TOGARAM1: variants seen among roughly 807,000 people sequenced by gnomAD.
TOGARAM1 encodes TOG array regulator of axonemal microtubules protein 1.
In TOGARAM1, 100 loss-of-function variants were observed where a neutral mutation model predicts 166.6. The observed-to-expected ratio is 0.60, with a 90% CI of 0.51 to 0.71. The LOEUF (loss-of-function observed/expected upper bound fraction) is 0.71, where lower values mean the gene tolerates loss of function less well. TOGARAM1 is among the 30% of genes least tolerant of loss of function. TOGARAM1 has a pLI of 0.00. For missense variants in TOGARAM1, 2,029 were observed against 2,102.7 expected, an observed-to-expected ratio of 0.96 and a Z score of 0.69; for synonymous variants, 758 against 763.8, an observed-to-expected ratio of 0.99 and a Z score of 0.13.
intron 13 of TOGARAM1, among the ~76,000 whole-genome samples, 176 bp downstream of exon 13, chr14:45,045,046 A>T (rs1881920797): frequency 6.6e-6 from 1 of 152,192 alleles, no homozygotes; most frequent in Non-Finnish European, 1.5e-5. Flanking sequence ...ATAATTTTTT[A>T]TTATTTTTCT....
chr14:44,989,119 T>C (rs1457496680), intron 1 of TOGARAM1, among the ~76,000 whole-genome samples: 1 of 152,214 alleles, frequency 6.6e-6, no homozygotes, highest in Non-Finnish European at 1.5e-5. Flanking sequence ...TACATAATGA[T>C]AGTTGTAATT....
At chr14:44,997,059 A>G (rs1887449022) in intron 2 of TOGARAM1, 1 of 152,228 alleles carries the variant, frequency 6.6e-6, no homozygotes. Context: ...TGTTGTAGTA[A>G]TCGTGGCTAG....
chr14:44,966,106 C>T (rs1405044884), intron 1 of TOGARAM1, among the ~76,000 whole-genome samples: 2 of 151,218 alleles, frequency 1.3e-5, no homozygotes, highest in African/African-American at 4.8e-5. Flanking sequence ...AACTCCTGAC[C>T]CACCCGCCTC....
rs62000262 is a variant in TOGARAM1 at position 44,989,127 on chromosome 14, A to C, written c.2047-6619A>C. Among the ~76,000 whole-genome samples the C allele has an allele frequency of 2.7e-3, 415 of 152,356 alleles. 2 individuals carry two copies. Among genetic ancestry groups the C allele is most frequent in the Middle Eastern group, 0.02 (6 of 294 alleles). ...ACAGCAATACATAATGATAGTTGTAATTCCCAAAAATTTGATAAGACACTT... is the reference window on the plus strand; with the variant it reads ...ACAGCAATACATAATGATAGTTGTACTTCCCAAAAATTTGATAAGACACTT... On this transcript the variant is annotated intron_variant, in intron 1 of 19. Transcript: ENST00000361462.
At chr14:44,982,062 T>G (rs750840157) in intron 1 of TOGARAM1, among the ~76,000 whole-genome samples, 40 of 152,018 alleles carry the variant, frequency 2.6e-4, no homozygotes, top group Admixed American at 1.1e-3. Context: ...AGGCTGGTCT[T>G]GAACTCCTGG....
At chr14:45,042,862 G>C (rs1454936817) in intron 11 of TOGARAM1, among the ~76,000 whole-genome samples, 1 of 152,152 alleles carries the variant, frequency 6.6e-6, no homozygotes, top group Non-Finnish European at 1.5e-5. Context: ...GCTGGCTGTG[G>C]TAATTTTAGC....
intron 10 of TOGARAM1, among the ~76,000 whole-genome samples, chr14:45,028,677 G>T (rs1031826693): frequency 6.6e-6 from 1 of 152,112 alleles, no homozygotes. Context: ...CATTGCATTT[G>T]TCATTTATTC....
intron 1 of TOGARAM1, among the ~76,000 whole-genome samples, chr14:44,973,677 T>A (rs1299623782): frequency 6.6e-6 from 1 of 151,740 alleles, no homozygotes; most frequent in African/African-American, 2.4e-5. Flanking sequence ...TCAATGTTTC[T>A]TACAAGGCAG....
chr14:45,072,490 A>G (rs1353480446), intron 19 of TOGARAM1, among the ~76,000 whole-genome samples: 2 of 151,860 alleles, frequency 1.3e-5, no homozygotes, highest in African/African-American at 4.8e-5. Flanking sequence ...GCAGTGGCGC[A>G]ATATCGGCTA....
chr14:45,069,417 G>T (rs1883281440), intron 18 of TOGARAM1, among the ~76,000 whole-genome samples: 1 of 151,618 alleles, frequency 6.6e-6, no homozygotes, highest in African/African-American at 2.4e-5. Context: ...ACAAGCTACA[G>T]ACTGGGAAAA....
intron 1 of TOGARAM1, among the ~76,000 whole-genome samples, chr14:44,965,761 T>C (rs983919381): frequency 2.5e-4 from 38 of 152,270 alleles, no homozygotes; most frequent in African/African-American, 6.7e-4. Flanking sequence ...AGTACAGTGA[T>C]ACTTTGAGAC....
intron 14 of TOGARAM1, among the ~76,000 whole-genome samples, chr14:45,050,251 A>G (rs1023499827): frequency 6.6e-6 from 1 of 152,004 alleles, no homozygotes; most frequent in Non-Finnish European, 1.5e-5. Context: ...ACGTTGAGAT[A>G]TGTGATCTTT....
At chr14:44,994,225 G>A (rs1222245951) in intron 1 of TOGARAM1, among the ~76,000 whole-genome samples, 1 of 152,080 alleles carries the variant, frequency 6.6e-6, no homozygotes, top group East Asian at 1.9e-4. Flanking sequence ...TCCTGCCTCA[G>A]CCTCTGTCTC....
At chr14:44,994,548 A>C (rs1435597551) in intron 1 of TOGARAM1, among the ~76,000 whole-genome samples, 1 of 151,846 alleles carries the variant, frequency 6.6e-6, no homozygotes, top group Non-Finnish European at 1.5e-5. Flanking sequence ...CCTCCCGATT[A>C]GTTGGGACGA....
chr14:44,988,495 C>T (rs1007222087), intron 1 of TOGARAM1, among the ~76,000 whole-genome samples: 1 of 151,990 alleles, frequency 6.6e-6, no homozygotes, highest in African/African-American at 2.4e-5. Context: ...TTTTGATTAA[C>T]CAGCAGAATT....
At chr14:44,986,947 G>A (rs1314158645) in intron 1 of TOGARAM1, among the ~76,000 whole-genome samples, 1 of 150,116 alleles carries the variant, frequency 6.7e-6, no homozygotes, top group Non-Finnish European at 1.5e-5. Flanking sequence ...CGAGCTTGCA[G>A]TGAACCGAGA....
At chr14:45,029,861 G>A (rs935598635) in intron 10 of TOGARAM1, among the ~76,000 whole-genome samples, 16 of 151,880 alleles carry the variant, frequency 1.1e-4, no homozygotes, top group Non-Finnish European at 1.6e-4. Context: ...TTGCTCTGTC[G>A]CCCAGGCTGG....
At chr14:45,005,648 G>A (rs886678380) in intron 4 of TOGARAM1, among the ~76,000 whole-genome samples, 1 of 152,042 alleles carries the variant, frequency 6.6e-6, no homozygotes, top group African/African-American at 2.4e-5. Context: ...ATAAAAAGAT[G>A]TTGAAGGAAT....
intron 11 of TOGARAM1, 61 bp downstream of exon 11, chr14:45,032,437 A>C (rs1881217061): frequency 1.4e-6 from 2 of 1,438,346 alleles, no homozygotes. Context: ...GTAAATATTT[A>C]ATTAAAAATC....
Sources: gnomAD v4.1 joint callset for allele counts (sites outside exome capture counted in the v4.1 genomes callset) on GRCh38, gnomAD v4.1.1 for gene constraint, MANE v1.5 for transcripts, NCBI Gene and HGNC (gene_info 2026-07-23, HGNC 2026-07-21) for gene names.